NOL4: variants seen among roughly 807,000 people sequenced by gnomAD.
NOL4 encodes cancer/testis antigen 125.
Under a neutral mutation model 75.9 loss-of-function variants are expected in NOL4, and 17 were observed. The ratio of observed to expected loss-of-function variants is 0.22; its 90% CI spans 0.15 to 0.34. NOL4 has a LOEUF of 0.34. Ranked by LOEUF, NOL4 falls within the 10% of genes least tolerant of loss-of-function variation. The probability of loss-of-function intolerance (pLI) is 1.00; values close to 1 mark genes in which losing one functional copy is unlikely to be tolerated. For missense variants in NOL4, 614 were observed against 793.5 expected (o/e 0.77, Z 2.72); for synonymous variants, 292 against 289.9 (o/e 1.01, Z -0.07).
intron 9 of NOL4, among the ~76,000 whole-genome samples, chr18:33,888,504 C>T (rs374297988): frequency 5.1e-4 from 78 of 152,230 alleles, no homozygotes; most frequent in African/African-American, 1.2e-3. Flanking sequence ...ATGCCTATGT[C>T]CTGAGTGGTA....
intron 9 of NOL4, among the ~76,000 whole-genome samples, chr18:33,906,245 C>T (rs1488111741): frequency 6.6e-6 from 1 of 152,138 alleles, no homozygotes. Context: ...CATTTCATGG[C>T]CTCCTCAGAC....
intron 1 of NOL4, among the ~76,000 whole-genome samples, chr18:34,187,020 T>G (rs766678657): frequency 3.3e-5 from 5 of 152,174 alleles, no homozygotes; most frequent in Non-Finnish European, 7.4e-5. Context: ...AGTTGATGAA[T>G]CTACCTTGGC....
At chr18:34,197,819 T>C (rs1193889949) in intron 1 of NOL4, among the ~76,000 whole-genome samples, 1 of 151,840 alleles carries the variant, frequency 6.6e-6, no homozygotes, top group Non-Finnish European at 1.5e-5. Flanking sequence ...AATAGATCTA[T>C]CAATTACCTG....
At chr18:33,870,085 C>A (rs889233657) in intron 10 of NOL4, among the ~76,000 whole-genome samples, 1 of 152,040 alleles carries the variant, frequency 6.6e-6, no homozygotes, top group African/African-American at 2.4e-5. Context: ...TCATGAACAA[C>A]ATGAGGTTTT....
Position 33,897,007 on chromosome 18 carries a change from G to A in NOL4, c.1543-13583C>T, listed in dbSNP as rs149377625. On this transcript the variant is annotated intron_variant, in intron 9 of 10. Transcript: ENST00000261592. ...ACATACATGCGGCCAGTAAGCATAC[G>A]AAAAAAAAGCTCAGTATCACTGATC... Among the ~76,000 whole-genome samples the A allele has an allele frequency of 4.6e-3, 705 of 151,808 alleles. 4 individuals are homozygous for A. The highest frequency in any genetic ancestry group is 0.016 in the African/African-American group (678 of 41,426).
intron 5 of NOL4, among the ~76,000 whole-genome samples, chr18:34,080,459 T>C (rs1234500288): frequency 2.0e-5 from 3 of 152,142 alleles, no homozygotes; most frequent in Admixed American, 6.5e-5. Context: ...TAAGTTCCTA[T>C]AGACTCCGAT....
Position 33,998,705 on chromosome 18 carries a change from G to T in NOL4, c.1056+20613C>A, listed in dbSNP as rs202110696. ...TTAGTGTTTCAGTAATGAGGCACAG[G>T]TTCAGTATGTCCACGTGACAAGTGT... On this transcript the variant is annotated intron_variant, in intron 6 of 10. Coordinates refer to ENST00000261592, the MANE Select transcript of NOL4 (RefSeq NM_003787.5). Among the ~76,000 whole-genome samples, 8 of 152,214 alleles carry T rather than the reference G, an allele frequency of 5.3e-5. No individual in the cohort carries two copies. The East Asian group carries it at 1.4e-3, about 26-fold the overall frequency.
intron 9 of NOL4, among the ~76,000 whole-genome samples, chr18:33,941,554 T>C (rs1194094027): frequency 6.6e-6 from 1 of 151,910 alleles, no homozygotes; most frequent in Non-Finnish European, 1.5e-5. Flanking sequence ...ACAAAACAGC[T>C]AGCATCAGTC....
intron 1 of NOL4, among the ~76,000 whole-genome samples, chr18:34,191,670 T>C (rs953999165): frequency 5.9e-5 from 9 of 152,168 alleles, no homozygotes; most frequent in South Asian, 4.1e-4. Flanking sequence ...ATAACTTTCC[T>C]GAAAGCCTTA....
At chr18:34,038,412 A>G (rs1375919788) in intron 5 of NOL4, among the ~76,000 whole-genome samples, 1 of 152,038 alleles carries the variant, frequency 6.6e-6, no homozygotes, top group Non-Finnish European at 1.5e-5. Context: ...GGAAATCAGT[A>G]TATCAAGAGG....
At chr18:33,863,188 A>T (rs1228926019) in intron 10 of NOL4, among the ~76,000 whole-genome samples, 1 of 151,808 alleles carries the variant, frequency 6.6e-6, no homozygotes, top group Non-Finnish European at 1.5e-5. Context: ...ACCAAACACC[A>T]CATATTCTCA....
At chr18:33,857,173 A>C (rs1254918810) in intron 10 of NOL4, among the ~76,000 whole-genome samples, 1 of 152,020 alleles carries the variant, frequency 6.6e-6, no homozygotes, top group Non-Finnish European at 1.5e-5. Flanking sequence ...TTAAAGTTTA[A>C]ACTGGAAGCT....
intron 5 of NOL4, among the ~76,000 whole-genome samples, chr18:34,034,559 CA>C (rs964771175): frequency 2.0e-5 from 3 of 151,984 alleles, no homozygotes; most frequent in Non-Finnish European, 4.4e-5. Context: ...GCCAACACAG[CA>C]AAACCCTGTC....
chr18:33,985,523 A>G (rs561485758), intron 6 of NOL4, among the ~76,000 whole-genome samples: 31 of 152,240 alleles, frequency 2.0e-4, no homozygotes, highest in East Asian at 1.5e-3. Flanking sequence ...TTGCTTACCA[A>G]TGATTTATTA....
chr18:33,956,140 G>T (rs1395747932), intron 8 of NOL4, among the ~76,000 whole-genome samples: 2 of 152,070 alleles, frequency 1.3e-5, no homozygotes, highest in African/African-American at 2.4e-5. Context: ...ATGAATTTAA[G>T]ATCAGGACAC....
intron 5 of NOL4, among the ~76,000 whole-genome samples, chr18:34,036,953 G>A (rs945284988): frequency 1.3e-5 from 2 of 151,948 alleles, no homozygotes; most frequent in Admixed American, 1.3e-4. Context: ...TAAATAAATA[G>A]CATCACAGTT....
intron 6 of NOL4, among the ~76,000 whole-genome samples, chr18:33,967,302 C>T (rs562979903): frequency 6.6e-6 from 1 of 152,260 alleles, no homozygotes; most frequent in South Asian, 2.1e-4. Flanking sequence ...GGACCACTAC[C>T]TATCACCACA....
intron 8 of NOL4, among the ~76,000 whole-genome samples, chr18:33,956,203 G>A (rs1410894386): frequency 6.6e-6 from 1 of 152,056 alleles, no homozygotes; most frequent in African/African-American, 2.4e-5. Context: ...GAGCATCAAA[G>A]CCACACAACA....
At chr18:34,131,043 C>T (rs912095554) in intron 1 of NOL4, among the ~76,000 whole-genome samples, 1 of 148,174 alleles carries the variant, frequency 6.7e-6, no homozygotes, top group Non-Finnish European at 1.5e-5. Context: ...TGCAAACACA[C>T]ACATACACAT....
Sources: allele counts gnomAD v4.1 joint callset (sites outside exome capture counted in the v4.1 genomes callset), GRCh38; gene constraint gnomAD v4.1.1; transcripts MANE v1.5; gene names NCBI Gene and HGNC (gene_info 2026-07-23, HGNC 2026-07-21).